The following VPS13B variants were observed in gnomAD, a reference collection of about 807,000 sequenced individuals.
The protein encoded by VPS13B is intermembrane lipid transfer protein VPS13B.
Under a neutral mutation model 426.4 loss-of-function variants are expected in VPS13B, and 285 were observed. That is an observed-to-expected ratio of 0.67 (90% confidence interval 0.61 to 0.74). The LOEUF (loss-of-function observed/expected upper bound fraction) is 0.74, where lower values mean the gene tolerates loss of function less well. VPS13B is among the 30% of genes least tolerant of loss of function. VPS13B has a pLI of 0.00. For missense variants in VPS13B, 4,537 were observed against 4,782.6 expected (o/e 0.95, Z 1.51); for synonymous variants, 1,676 against 1,676.4 (o/e 1.00, Z 0.01).
intron 4 of VPS13B, among the ~76,000 whole-genome samples, chr8:99,099,954 CT>C (rs1846637585): frequency 6.6e-6 from 1 of 152,106 alleles, no homozygotes; most frequent in African/African-American, 2.4e-5. Context: ...CTTAGTGTGA[CT>C]TTCTATTTTC....
rs1563794117 is a variant in VPS13B at position 99,556,526 on chromosome 8, T to C, written c.4822T>C (p.Ser1608Pro). Residue 1608 changes from serine (S) to proline (P), a missense_variant, in exon 31 of 62, where the codon TCC becomes CCC. Ser to Pro is a moderately conservative substitution (Grantham distance 74, BLOSUM62 -1). Coordinates refer to ENST00000357162, the MANE Select transcript of VPS13B (RefSeq NM_152564.5). ...EDRQYQIDLQ[S>P]INIGTAQWHQ... ...CAGACAATACCAAATAGATCTGCAG[T>C]CCATCAATATTGGTACTGCACAGTG... 11 of 1,613,306 alleles carry C rather than the reference T, an allele frequency of 6.8e-6. No homozygotes were observed. Among genetic ancestry groups the C allele is most frequent in the South Asian group, 1.1e-5 (1 of 91,076 alleles).
At chr8:99,861,666 TG>T in intron 57 of VPS13B, 109 bp from the exon 58 acceptor site, 2 of 1,406,934 alleles carry the variant, frequency 1.4e-6, no homozygotes, top group South Asian at 1.2e-5. Flanking sequence ...CACTTGCCAC[TG>T]GGCATGTCCA....
intron 21 of VPS13B, among the ~76,000 whole-genome samples, chr8:99,417,634 A>G (rs186655076): frequency 2.6e-5 from 4 of 152,126 alleles, no homozygotes; most frequent in Non-Finnish European, 5.9e-5. Context: ...TTGGTAATCT[A>G]TATATAACTT....
chr8:99,623,994 C>CATACATATATATAT (rs1554877591), intron 33 of VPS13B, among the ~76,000 whole-genome samples: 275 of 53,712 alleles, frequency 5.1e-3, no homozygotes, highest in Admixed American at 0.016. Context: ...ATGAAACATA[C>CATACATATATATAT]ATATATATAT....
In VPS13B at chr8:99,423,822, A is replaced by T. The variant is rs536520792; in HGVS notation, c.3083-7715A>T. Among the ~76,000 whole-genome samples the T allele has an allele frequency of 5.8e-4, 88 of 152,294 alleles. 3 individuals carry two copies. The South Asian group carries it at 0.018, about 31-fold the overall frequency. On this transcript the variant is annotated intron_variant, in intron 21 of 61. Coordinates refer to ENST00000357162, the MANE Select transcript of VPS13B (RefSeq NM_152564.5). ...TTTTACATTTGTTGAGGAGTGCTTT[A>T]CTTCCAACTATGTGGTCAGTTTTGG...
At chr8:99,629,305 T>C (rs986653395) in intron 33 of VPS13B, among the ~76,000 whole-genome samples, 2 of 152,200 alleles carry the variant, frequency 1.3e-5, no homozygotes, top group Non-Finnish European at 2.9e-5. Flanking sequence ...AGCATTGTTA[T>C]CATCTTAATC....
At chr8:99,859,609 A>C (rs889302376) in intron 57 of VPS13B, 129 bp downstream of exon 57, 103 of 1,245,906 alleles carry the variant, frequency 8.3e-5, no homozygotes, top group Non-Finnish European at 1.1e-4. Context: ...GCTTGCAGTG[A>C]GAGTTTGGGT....
intron 25 of VPS13B, among the ~76,000 whole-genome samples, chr8:99,487,560 A>G (rs1456298125): frequency 1.3e-5 from 2 of 152,170 alleles, no homozygotes; most frequent in Non-Finnish European, 2.9e-5. Context: ...AGAAATTTTC[A>G]TCATCCCAGA....
chr8:99,158,420 C>A (rs976220368), intron 15 of VPS13B, among the ~76,000 whole-genome samples: 2 of 152,126 alleles, frequency 1.3e-5, no homozygotes, highest in African/African-American at 2.4e-5. Flanking sequence ...GTAATCTCAG[C>A]TACTCAGGAG....
At chr8:99,679,201 T>G (rs1384233484) in intron 35 of VPS13B, among the ~76,000 whole-genome samples, 1 of 152,202 alleles carries the variant, frequency 6.6e-6, no homozygotes, top group Non-Finnish European at 1.5e-5. Context: ...TAAATTTATC[T>G]CAAAACCACT....
At chr8:99,490,750 C>G (rs1200190763) in intron 25 of VPS13B, among the ~76,000 whole-genome samples, 1 of 151,744 alleles carries the variant, frequency 6.6e-6, no homozygotes, top group Non-Finnish European at 1.5e-5. Flanking sequence ...TGGTGATATC[C>G]CCTTTATTAT....
At chr8:99,549,563 G>A (rs961082196) in intron 30 of VPS13B, among the ~76,000 whole-genome samples, 2 of 151,862 alleles carry the variant, frequency 1.3e-5, no homozygotes, top group South Asian at 2.1e-4. Context: ...CTCTCCTCTT[G>A]GCTATTGTGC....
chr8:99,790,746 T>C (rs146349751), intron 43 of VPS13B, among the ~76,000 whole-genome samples: 72 of 152,300 alleles, frequency 4.7e-4, no homozygotes, highest in African/African-American at 1.7e-3. Context: ...TACACGTTAA[T>C]GCCTTGGAGT....
intron 3 of VPS13B, among the ~76,000 whole-genome samples, chr8:99,055,164 G>T (rs961817543): frequency 6.6e-6 from 1 of 150,944 alleles, no homozygotes; most frequent in Non-Finnish European, 1.5e-5. Context: ...TTAACTTCCT[G>T]AGTAGCTGGG....
intron 17 of VPS13B, among the ~76,000 whole-genome samples, chr8:99,214,259 T>C (rs1020676362): frequency 6.6e-6 from 1 of 152,292 alleles, no homozygotes; most frequent in Admixed American, 6.5e-5. Flanking sequence ...TATCCTACAA[T>C]GGTAGGGTTG....
At chr8:99,475,477 A>C (rs1340842717) in intron 24 of VPS13B, among the ~76,000 whole-genome samples, 1 of 152,204 alleles carries the variant, frequency 6.6e-6, no homozygotes, top group African/African-American at 2.4e-5. Context: ...GCTAACACAA[A>C]AAATATTCTT....
chr8:99,647,097 GTTGTT>G (rs1366709159), intron 34 of VPS13B, among the ~76,000 whole-genome samples: 1 of 151,510 alleles, frequency 6.6e-6, no homozygotes, highest in East Asian at 1.9e-4. Context: ...GGCTTTCTGG[GTTGTT>G]TTGTTTTGAG....
intron 35 of VPS13B, among the ~76,000 whole-genome samples, chr8:99,688,684 T>G (rs1045591496): frequency 6.6e-6 from 1 of 152,044 alleles, no homozygotes; most frequent in Non-Finnish European, 1.5e-5. Context: ...CATTAAACAT[T>G]GTGGGGCCAT....
intron 17 of VPS13B, among the ~76,000 whole-genome samples, chr8:99,212,047 C>T (rs1815118943): frequency 6.6e-6 from 1 of 151,858 alleles, no homozygotes; most frequent in Non-Finnish European, 1.5e-5. Flanking sequence ...CGTCTGCCAC[C>T]ACGCCCGGCT....
Sources: allele counts gnomAD v4.1 joint callset (sites outside exome capture counted in the v4.1 genomes callset), GRCh38; gene constraint gnomAD v4.1.1; transcripts MANE v1.5; gene names NCBI Gene and HGNC (gene_info 2026-07-23, HGNC 2026-07-21).